Variants in DNM3 observed in about 807,000 individuals in gnomAD.
The protein encoded by DNM3 is dynamin-3.
Under a neutral mutation model 101.6 loss-of-function variants are expected in DNM3, and 47 were observed. The ratio of observed to expected loss-of-function variants is 0.46; its 90% confidence interval spans 0.37 to 0.59. The LOEUF (loss-of-function observed/expected upper bound fraction) is 0.59. DNM3 is among the 20% of genes least tolerant of loss of function. The pLI, the probability that DNM3 is intolerant of heterozygous loss-of-function variation, is 0.00. For missense variants in DNM3, 849 were observed against 1,085.7 expected (o/e 0.78, Z 3.06); for synonymous variants, 385 against 387.9 (o/e 0.99, Z 0.09).
At chr1:172,183,203 A>T (rs941125748) in intron 14 of DNM3, among the ~76,000 whole-genome samples, 1 of 152,116 alleles carries the variant, frequency 6.6e-6, no homozygotes, top group African/African-American at 2.4e-5. Flanking sequence ...CATGCCTGTT[A>T]TTCTCCATAT....
At chr1:172,131,898 A>G in intron 14 of DNM3, 1 of 216,482 alleles carries the variant, frequency 4.6e-6, no homozygotes, top group Non-Finnish European at 9.7e-6. Context: ...GTGACTTACT[A>G]CTCATTTAAA....
intron 1 of DNM3, among the ~76,000 whole-genome samples, chr1:171,893,775 G>A (rs1030939961): frequency 4.0e-5 from 6 of 151,670 alleles, no homozygotes; most frequent in Admixed American, 6.6e-5. Flanking sequence ...TTTTTGGACC[G>A]GCAATTTTGA....
In DNM3 at chr1:172,408,882, T is replaced by C; in HGVS notation, c.*1041T>C. On this transcript the variant is annotated 3_prime_UTR_variant, in exon 21 of 21. Coordinates refer to ENST00000627582, the MANE Select transcript of DNM3 (RefSeq NM_015569.5). ...AATAAATCTTGAGGCTATGGGATAATCACATTTAAAGAATGGTTCCTGAAA... is the reference window on the plus strand; with the variant it reads ...AATAAATCTTGAGGCTATGGGATAACCACATTTAAAGAATGGTTCCTGAAA... The C allele has an allele frequency of 1.0e-6, 1 of 985,310 alleles. No individual in the cohort carries two copies. Among genetic ancestry groups the C allele is most frequent in the Non-Finnish European group, 1.2e-6 (1 of 829,884 alleles). 61.0% of individuals were successfully genotyped at this position (985,310 alleles called of 1,614,324 possible).
At chr1:172,364,713 G>GGA (rs1401212989) in intron 17 of DNM3, among the ~76,000 whole-genome samples, 1 of 151,824 alleles carries the variant, frequency 6.6e-6, no homozygotes, top group African/African-American at 2.4e-5. Context: ...GGTAGTGACT[G>GGA]GATCATGGGG....
intron 16 of DNM3, among the ~76,000 whole-genome samples, chr1:172,314,488 G>A (rs947289242): frequency 4.6e-5 from 7 of 152,176 alleles, no homozygotes; most frequent in Non-Finnish European, 1.0e-4. Context: ...CCTGGTCAAG[G>A]AAAGGGGTGA....
chr1:172,152,082 C>T (rs781656283), intron 14 of DNM3, among the ~76,000 whole-genome samples: 7 of 152,038 alleles, frequency 4.6e-5, no homozygotes, highest in Non-Finnish European at 8.8e-5. Flanking sequence ...AAGAGACTCC[C>T]TGTGTTACCC....
chr1:172,135,814 G>A (rs891180580), intron 14 of DNM3, among the ~76,000 whole-genome samples: 2 of 151,788 alleles, frequency 1.3e-5, no homozygotes, highest in Non-Finnish European at 2.9e-5. Flanking sequence ...TTAGGAGAAT[G>A]GGAGACCCTG....
At position 172,004,606 on chromosome 1, in the gene DNM3, C is replaced by T. The variant is rs935283003; in HGVS notation, c.589+15458C>T. 7.2e-5 allele frequency among the ~76,000 whole-genome samples: 11 copies of T among 151,882 alleles called. No homozygotes were observed. The South Asian group carries it at 1.5e-3, about 20-fold the overall frequency. Reference sequence around the variant, plus strand: ...GGGAATAGAAGCTGCTTTACCCAGACGATGTCAGGTTCCAAAGCAATGTTT... The same window carrying T: ...GGGAATAGAAGCTGCTTTACCCAGATGATGTCAGGTTCCAAAGCAATGTTT... On this transcript the variant is annotated intron_variant, in intron 4 of 20. Transcript: ENST00000627582.
In DNM3 at chr1:172,411,538, T is replaced by TA. The variant is rs57654638; in HGVS notation, c.*3712dup. 0.19 allele frequency: 174,956 copies of TA among 911,130 alleles called. 3,082 individuals carry two copies. The highest frequency in any genetic ancestry group is 0.34 in the East Asian group (2,757 of 8,156). 56.4% of individuals were successfully genotyped at this position (911,130 alleles called of 1,614,324 possible). On this transcript the variant is annotated 3_prime_UTR_variant, in exon 21 of 21. Coordinates refer to ENST00000627582, the MANE Select transcript of DNM3 (RefSeq NM_015569.5). ...AGTCATTTTTCCTCTATGGTAGAAG[T>TA]AAAAAAAAAAAAAAAGGACATAGCA...
intron 1 of DNM3, among the ~76,000 whole-genome samples, chr1:171,848,421 A>T (rs1304634294): frequency 4.6e-5 from 7 of 152,112 alleles, no homozygotes; most frequent in Admixed American, 3.9e-4. Context: ...ACTTTTAGGG[A>T]ACAGATGGGC....
intron 8 of DNM3, among the ~76,000 whole-genome samples, chr1:172,043,083 A>C (rs549451164): frequency 6.6e-6 from 1 of 152,282 alleles, no homozygotes; most frequent in African/African-American, 2.4e-5. Context: ...CAAGGGGGAA[A>C]TGCTGAGAAT....
rs953324153 is a variant in DNM3 at position 172,274,221 on chromosome 1, G to A, written c.1769+20539G>A. Among the ~76,000 whole-genome samples, 3 of 152,024 alleles carry A rather than the reference G, an allele frequency of 2.0e-5. No individual in the cohort carries two copies. The East Asian group carries it at 5.8e-4, about 29-fold the overall frequency. On this transcript the variant is annotated intron_variant, in intron 15 of 20. Transcript: ENST00000627582. ...CCGAAACAGTGATGGAATTTCCAGA[G>A]CATTTGTTTACTCCCTTTAACTACC...
rs867574167 is a variant in DNM3 at position 172,081,734 on chromosome 1, A to G, written c.1423-98A>G. The G allele has an allele frequency of 8.1e-5, 79 of 975,688 alleles. 1 individual carries two copies. The Middle Eastern group carries it at 3.3e-3, about 41-fold the overall frequency. The allele number at this position is 975,688 out of a possible 1,614,324, so 60.4% of individuals were successfully genotyped here. A position where few individuals can be genotyped will look rare whatever the true frequency, so the allele number is the denominator to read the frequency against. On this transcript the variant is annotated intron_variant, in intron 11 of 20. Transcript: ENST00000627582. ...ATGCTAATTGAAGTATCCTTTAAAA[A>G]ATTATATGAAGGTAATTAATTTGTG... is the stretch of plus-strand genomic sequence containing the variant.
chr1:172,054,613 GA>G (rs201859721), intron 10 of DNM3, among the ~76,000 whole-genome samples: 1 of 149,628 alleles, frequency 6.7e-6, no homozygotes, highest in East Asian at 1.9e-4. Context: ...TTCTTGTTTA[GA>G]AAAAAAAAGT....
At chr1:172,325,273 G>A (rs1048817265) in intron 17 of DNM3, among the ~76,000 whole-genome samples, 1 of 152,138 alleles carries the variant, frequency 6.6e-6, no homozygotes, top group Non-Finnish European at 1.5e-5. Flanking sequence ...GTCACCAACT[G>A]TATCTGAACG....
chr1:171,990,315 T>G (rs1340921069), intron 4 of DNM3, among the ~76,000 whole-genome samples: 1 of 152,132 alleles, frequency 6.6e-6, no homozygotes, highest in Non-Finnish European at 1.5e-5. Flanking sequence ...AAAGCTGATT[T>G]ATGTACATGA....
downstream of DNM3, among the ~76,000 whole-genome samples, chr1:172,416,171 A>T (rs963947950): frequency 6.6e-6 from 1 of 152,206 alleles, no homozygotes; most frequent in South Asian, 2.1e-4. Flanking sequence ...AGAATTTGTT[A>T]GCAACTCAGT....
chr1:172,091,775 T>C (rs1365530395), intron 12 of DNM3, among the ~76,000 whole-genome samples: 1 of 152,154 alleles, frequency 6.6e-6, no homozygotes, highest in Non-Finnish European at 1.5e-5. Context: ...ATAGTCCTTC[T>C]GAAAGTATCA....
At position 172,379,160 on chromosome 1, in the gene DNM3, T is replaced by C. The variant is rs770616861; in HGVS notation, c.2036T>C (p.Ile679Thr). The change falls in exon 18 of 21, where the codon ATA (isoleucine) becomes ACA (threonine). Residue 679 changes from isoleucine to threonine, a missense_variant. Physicochemically the swap from Ile to Thr is moderately conservative, Grantham distance 89. Transcript: ENST00000627582. ...KCIRDLIPKT[I>T]MHLMINNVKD... ...ATCCGAGATCTAATTCCAAAAACAATAATGCACCTTATGATCAATAACGTA... is the reference window on the plus strand; with the variant it reads ...ATCCGAGATCTAATTCCAAAAACAACAATGCACCTTATGATCAATAACGTA... 12 of 1,609,118 alleles carry C rather than the reference T, an allele frequency of 7.5e-6. No homozygotes were observed. Among genetic ancestry groups the C allele is most frequent in the Non-Finnish European group, 9.3e-6 (11 of 1,177,498 alleles).
Sources: gnomAD v4.1 joint callset for allele counts (sites outside exome capture counted in the v4.1 genomes callset) on GRCh38, gnomAD v4.1.1 for gene constraint, MANE v1.5 for transcripts, NCBI Gene and HGNC (gene_info 2026-07-23, HGNC 2026-07-21) for gene names.